Variants in ZNF626 observed in about 807,000 individuals in gnomAD.
ZNF626 encodes the protein zinc finger protein 626.
A neutral mutation model predicts 11.7 loss-of-function variants in ZNF626; 4 were observed. The observed-to-expected ratio is 0.34, with a 90% confidence interval of 0.17 to 0.78. The LOEUF (loss-of-function observed/expected upper bound fraction) is 0.78. Ranked by LOEUF, ZNF626 falls within the 30% of genes least tolerant of loss-of-function variation. The pLI, the probability that ZNF626 is intolerant of heterozygous loss-of-function variation, is 0.57. For synonymous variants in ZNF626, 179 were observed against 198.6 expected (o/e 0.90, Z 0.83); for missense variants, 588 against 587.1 (o/e 1.00, Z -0.01).
chr19:20,661,523 G>A lies in ZNF626; in HGVS notation c.-77C>T, dbSNP rs898660631. 5 of 1,485,416 alleles carry A rather than the reference G, an allele frequency of 3.4e-6. No individual in the cohort carries two copies. Among genetic ancestry groups the A allele is most frequent in the Non-Finnish European group, 4.5e-6 (5 of 1,117,084 alleles). 92.0% of individuals were successfully genotyped at this position (1,485,416 alleles called of 1,614,324 possible). On this transcript the variant is annotated 5_prime_UTR_variant, in exon 1 of 4. Coordinates refer to ENST00000601440, the MANE Select transcript of ZNF626 (RefSeq NM_001076675.3). ...GCAGGACACGGGGCCACACAGCCTG[G>A]GCCTTTAGGAGAAGAACCAGACCTG...
chr19:20,645,520 A>T, intron 3 of ZNF626, 164 bp downstream of exon 3: 3 of 1,564,404 alleles, frequency 1.9e-6, no homozygotes, highest in South Asian at 1.2e-5. Context: ...AAGCAAAATT[A>T]AAAAAGAAAA....
Position 20,625,173 on chromosome 19 carries a change from C to A in ZNF626, c.704G>T (p.Gly235Val), listed in dbSNP as rs782367293. Reference protein sequence around the residue: ...GEKPYKCEECGKAFKHSSTLT... With the variant: ...GEKPYKCEECVKAFKHSSTLT... ...AGTGGAGGAGTGCTTAAAGGCTTTG[C>A]CACATTCTTCACATTTGTAGGGTTT... Residue 235 changes from glycine (G) to valine (V), a missense_variant, in exon 4 of 4, where the codon GGC (glycine) becomes GTC (valine). Around this residue, in one of 4 missense-constraint regions of ZNF626, gnomAD observed 524 missense variants for 470.1 expected, o/e 1.11. Transcript: ENST00000601440. 6.2e-7 allele frequency: 1 copy of A among 1,612,114 alleles called. No homozygotes were observed. The highest frequency in any genetic ancestry group is 1.1e-5 in the South Asian group (1 of 90,968).
chr19:20,629,844 CCT>C (rs1391221565), intron 3 of ZNF626, among the ~76,000 whole-genome samples: 1 of 152,132 alleles, frequency 6.6e-6, no homozygotes, highest in Non-Finnish European at 1.5e-5. Context: ...AGAGGGCATC[CCT>C]GTCTTGTGCC....
At chr19:20,653,431 T>C (rs1455895858) in intron 1 of ZNF626, among the ~76,000 whole-genome samples, 4 of 152,154 alleles carry the variant, frequency 2.6e-5, no homozygotes, top group African/African-American at 4.8e-5. Flanking sequence ...ACATAGTTCA[T>C]CCTAAATTCA....
At chr19:20,649,782 G>GGT (rs536007609) in intron 1 of ZNF626, among the ~76,000 whole-genome samples, 208 of 151,820 alleles carry the variant, frequency 1.4e-3, no homozygotes, top group African/African-American at 5.0e-3. Flanking sequence ...TCCATGAATG[G>GGT]GTGTTTTAAA....
chr19:20,624,216 T>G lies in ZNF626; in HGVS notation c.*74A>C. On this transcript the variant is annotated 3_prime_UTR_variant, in exon 4 of 4. Coordinates refer to ENST00000601440, the MANE Select transcript of ZNF626 (RefSeq NM_001076675.3). ...TTTTTCCAGTATGAATTTTCTTATGTGTAGTAAGGTTAGAGAAATGCTTAA... is the reference window on the plus strand; with the variant it reads ...TTTTTCCAGTATGAATTTTCTTATGGGTAGTAAGGTTAGAGAAATGCTTAA... 12 of 1,607,912 alleles carry G rather than the reference T, an allele frequency of 7.5e-6. No individual in the cohort carries two copies. Among genetic ancestry groups the G allele is most frequent in the Non-Finnish European group, 1.0e-5 (12 of 1,175,556 alleles).
chr19:20,649,985 AG>A (rs1970127897), intron 1 of ZNF626, among the ~76,000 whole-genome samples: 2 of 152,252 alleles, frequency 1.3e-5, no homozygotes, highest in South Asian at 2.1e-4. Context: ...TAAAGTTTAC[AG>A]AAAAAACAGA....
Position 20,625,124 on chromosome 19 carries a change from AT to A in ZNF626, c.752del (p.His251LeufsTer27), listed in dbSNP as rs1969810505. The A allele has an allele frequency of 6.2e-7, 1 of 1,612,976 alleles. No homozygotes were observed. Among genetic ancestry groups the A allele is most frequent in the African/African-American group, 1.3e-5 (1 of 74,870 alleles). On this transcript the variant is annotated frameshift_variant, in exon 4 of 4. Transcript: ENST00000601440. LOFTEE classifies it low-confidence loss of function (END_TRUNC). ...CACACTTGTAGGGTTTCTCTCCAGT[AT>A]GATTTCTCTTATGTGTAGTAAGAGT... is the stretch of plus-strand genomic sequence containing the variant. Reference protein sequence around the residue: ...SSTLTTHKRNHTGEKPYKCDK... With the variant: ...SSTLTTHKRNXTGEKPYKCDK...
At chr19:20,631,702 TC>T (rs1287437066) in intron 3 of ZNF626, among the ~76,000 whole-genome samples, 2 of 151,100 alleles carry the variant, frequency 1.3e-5, no homozygotes, top group Non-Finnish European at 2.9e-5. Context: ...GAGATGGGTT[TC>T]CTGAATACAG....
At chr19:20,633,437 T>C (rs1428051541) in intron 3 of ZNF626, among the ~76,000 whole-genome samples, 1 of 152,190 alleles carries the variant, frequency 6.6e-6, no homozygotes, top group Non-Finnish European at 1.5e-5. Flanking sequence ...CTCCACCCAG[T>C]TTGAGCTTCC....
intron 3 of ZNF626, among the ~76,000 whole-genome samples, chr19:20,629,443 CCT>C (rs781922148): frequency 1.3e-5 from 2 of 152,062 alleles, no homozygotes; most frequent in African/African-American, 4.8e-5. Flanking sequence ...TTGTTTGTAT[CCT>C]CTTTTATTTC....
intron 3 of ZNF626, among the ~76,000 whole-genome samples, chr19:20,633,724 AC>A (rs1969935246): frequency 6.6e-6 from 1 of 151,806 alleles, no homozygotes; most frequent in Admixed American, 6.6e-5. Flanking sequence ...GAATTCCCTG[AC>A]CCCTTGCACT....
chr19:20,653,242 A>C (rs1283846336), intron 1 of ZNF626, among the ~76,000 whole-genome samples: 3 of 152,182 alleles, frequency 2.0e-5, no homozygotes, highest in Admixed American at 2.0e-4. Context: ...TAATTAAAAG[A>C]AAAATTTTCT....
At chr19:20,648,863 T>G (rs1159309839) in intron 1 of ZNF626, among the ~76,000 whole-genome samples, 1 of 152,238 alleles carries the variant, frequency 6.6e-6, no homozygotes, top group Non-Finnish European at 1.5e-5. Flanking sequence ...AAATTCTTGC[T>G]GAGAATTCTG....
intron 1 of ZNF626, among the ~76,000 whole-genome samples, chr19:20,654,537 T>C (rs1970183865): frequency 1.3e-5 from 2 of 150,906 alleles, no homozygotes; most frequent in Non-Finnish European, 1.5e-5. Context: ...TGAAACCCCG[T>C]ATCTACTAAA....
At chr19:20,647,708 G>A (rs563456564) in intron 1 of ZNF626, among the ~76,000 whole-genome samples, 6 of 151,742 alleles carry the variant, frequency 4.0e-5, no homozygotes, top group East Asian at 2.0e-4. Context: ...GGATGGTCTC[G>A]ATCTCCTGAC....
chr19:20,635,791 G>A (rs868961372), intron 3 of ZNF626, among the ~76,000 whole-genome samples: 2 of 151,998 alleles, frequency 1.3e-5, no homozygotes, highest in South Asian at 2.1e-4. Flanking sequence ...ATAAATAGAC[G>A]CTGAAATTGG....
chr19:20,625,671 A>G, intron 3 of ZNF626, 21 bp from the exon 4 acceptor site: 1 of 1,514,428 alleles, frequency 6.6e-7, no homozygotes, highest in Non-Finnish European at 8.8e-7. Flanking sequence ...CAATAAAAAC[A>G]CATTACTTCA....
chr19:20,649,722 G>C (rs1970124705), intron 1 of ZNF626, among the ~76,000 whole-genome samples: 1 of 152,202 alleles, frequency 6.6e-6, no homozygotes, highest in South Asian at 2.1e-4. Context: ...AAATCACTTG[G>C]TAATTTTGGC....
Sources: allele counts gnomAD v4.1 joint callset (sites outside exome capture counted in the v4.1 genomes callset), GRCh38; gene constraint gnomAD v4.1.1; regional missense constraint gnomAD v4.1.1; transcripts MANE v1.5; gene names NCBI Gene and HGNC (gene_info 2026-07-23, HGNC 2026-07-21).